COLEC10: variants seen among roughly 807,000 people sequenced by gnomAD.
The protein encoded by COLEC10 is collectin subfamily member 10, also known as collectin-10.
COLEC10 carries 22 observed loss-of-function variants against 28.4 expected under a neutral mutation model. The ratio of observed to expected loss-of-function variants is 0.78; its 90% CI spans 0.55 to 1.11. The LOEUF is 1.11. Ranked by LOEUF, COLEC10 falls within the 50% of genes least tolerant of loss-of-function variation. The pLI, the probability that COLEC10 is intolerant of heterozygous loss-of-function variation, is 0.00. For synonymous variants in COLEC10, 125 were observed against 116.1 expected, an observed-to-expected ratio of 1.08 and a Z score of -0.49; for missense variants, 361 against 344.1, an observed-to-expected ratio of 1.05 and a Z score of -0.39.
intron 2 of COLEC10, among the ~76,000 whole-genome samples, chr8:119,053,686 T>TGG (rs60423523): frequency 0.085 from 12,799 of 149,866 alleles, 666 homozygotes; most frequent in South Asian, 0.13. Flanking sequence ...AAAAAAAAGG[T>TGG]GGGGGGGGCT....
At chr8:119,052,821 A>C (rs188837782) in intron 2 of COLEC10, among the ~76,000 whole-genome samples, 15 of 152,280 alleles carry the variant, frequency 9.9e-5, no homozygotes, top group East Asian at 7.7e-4. Context: ...TTATTAACAA[A>C]TTTAGTTGAA....
chr8:119,102,926 C>A (rs1815867554), intron 4 of COLEC10, among the ~76,000 whole-genome samples: 1 of 152,084 alleles, frequency 6.6e-6, no homozygotes, highest in South Asian at 2.1e-4. Flanking sequence ...TGTTTCTATC[C>A]ACAGAGGTAT....
chr8:119,073,420 T>C (rs1260376311), intron 1 of COLEC10, among the ~76,000 whole-genome samples: 3 of 152,244 alleles, frequency 2.0e-5, no homozygotes, highest in African/African-American at 7.2e-5. Flanking sequence ...CTGATTCTTT[T>C]CTGGTAACTA....
At chr8:119,088,975 T>G (rs868214083) in intron 1 of COLEC10, among the ~76,000 whole-genome samples, 1 of 152,098 alleles carries the variant, frequency 6.6e-6, no homozygotes, top group African/African-American at 2.4e-5. Context: ...TTTCTCCAGA[T>G]AGTGAGTGGT....
At chr8:119,067,531 C>T in intron 1 of COLEC10, 102 bp downstream of exon 1, 1 of 1,081,712 alleles carries the variant, frequency 9.2e-7, no homozygotes, top group East Asian at 2.6e-5. Context: ...TCTCTCCTCC[C>T]TAGTTTCCTC....
At chr8:119,072,297 C>A (rs906433494) in intron 1 of COLEC10, among the ~76,000 whole-genome samples, 7 of 152,204 alleles carry the variant, frequency 4.6e-5, no homozygotes, top group Non-Finnish European at 8.8e-5. Context: ...CATTGAGTAG[C>A]TGAGCACACA....
upstream of COLEC10, among the ~76,000 whole-genome samples, chr8:118,994,783 C>T (rs1399822662): frequency 2.6e-5 from 4 of 152,062 alleles, no homozygotes; most frequent in Non-Finnish European, 4.4e-5. Flanking sequence ...ACAGTAACAT[C>T]GGGGATGAAA....
chr8:119,052,193 A>C (rs1814686637), intron 2 of COLEC10, among the ~76,000 whole-genome samples: 1 of 152,174 alleles, frequency 6.6e-6, no homozygotes, highest in Admixed American at 6.5e-5. Context: ...ATTGTAAAGC[A>C]TTTTAGCCAA....
At chr8:119,003,813 G>A (rs915791108) in intron 1 of COLEC10, among the ~76,000 whole-genome samples, 1 of 151,976 alleles carries the variant, frequency 6.6e-6, no homozygotes, top group African/African-American at 2.4e-5. Flanking sequence ...TACTACACAT[G>A]GAAAAGTATA....
the COLEC10 span, among the ~76,000 whole-genome samples, chr8:118,967,185 C>T: frequency 2.0e-4 from 31 of 151,972 alleles, no homozygotes; most frequent in African/African-American, 6.3e-4. Flanking sequence ...ATTAAAATCT[C>T]TAGGGTAGGG....
chr8:119,022,926 G>A (rs1389223091), intron 2 of COLEC10, among the ~76,000 whole-genome samples: 4 of 151,978 alleles, frequency 2.6e-5, no homozygotes, highest in African/African-American at 7.3e-5. Context: ...GTCTTTCTGT[G>A]GCTCAGTCTG....
chr8:119,091,595 G>GAGAGAGAGAGAAAGAAAGAA (rs1250359009), intron 3 of COLEC10, among the ~76,000 whole-genome samples: 98 of 138,542 alleles, frequency 7.1e-4, no homozygotes, highest in African/African-American at 2.6e-3. Flanking sequence ...GAGAGAGAGA[G>GAGAGAGAGAGAAAGAAAGAA]AGAAAGAAAG....
chr8:118,989,534 TACACACACAC>T, the COLEC10 span, among the ~76,000 whole-genome samples: 30 of 128,726 alleles, frequency 2.3e-4, no homozygotes, highest in South Asian at 7.6e-4. Flanking sequence ...ACAGACAAAA[TACACACACAC>T]ACACACACAC....
upstream of COLEC10, among the ~76,000 whole-genome samples, chr8:119,066,445 T>G (rs1402040764): frequency 6.6e-6 from 1 of 152,206 alleles, no homozygotes; most frequent in Non-Finnish European, 1.5e-5. Flanking sequence ...TTTTCCCCCT[T>G]ATTTTGTAAA....
At chr8:119,036,244 T>C (rs886327553) in intron 2 of COLEC10, among the ~76,000 whole-genome samples, 5 of 152,220 alleles carry the variant, frequency 3.3e-5, no homozygotes, top group African/African-American at 9.6e-5. Flanking sequence ...CTTAATTATA[T>C]GTATATTATT....
chr8:118,972,843 C>T, the COLEC10 span, among the ~76,000 whole-genome samples: 1 of 152,018 alleles, frequency 6.6e-6, no homozygotes, highest in African/African-American at 2.4e-5. Context: ...GCTTAATTGA[C>T]TCACAGTTCA....
At chr8:119,069,391 T>C (rs537637279) in intron 1 of COLEC10, among the ~76,000 whole-genome samples, 1 of 151,638 alleles carries the variant, frequency 6.6e-6, no homozygotes, top group Non-Finnish European at 1.5e-5. Flanking sequence ...GTCCAAGAGT[T>C]TGAGACCAGC....
At position 119,070,446 on chromosome 8, in the gene COLEC10, G is replaced by GCTCTCTCTCT. The variant is rs760543405; in HGVS notation, c.148+3039_148+3048dup. Among the ~76,000 whole-genome samples the GCTCTCTCTCT allele has an allele frequency of 3.6e-3, 289 of 80,594 alleles. 25 individuals carry two copies. The highest frequency in any genetic ancestry group is 0.013 in the African/African-American group (216 of 16,662). 52.9% of individuals were successfully genotyped at this position (80,594 alleles called of 152,430 possible). Reference sequence around the variant, plus strand: ...ACAGGAAAATGAAATGTTCTCCCTCGCTCTCTCTCTCTCTCTCTCTCTCTC... The same window carrying GCTCTCTCTCT: ...ACAGGAAAATGAAATGTTCTCCCTCGCTCTCTCTCTCTCTCTCTCTCTCTCTCTCTCTCTC... On this transcript the variant is annotated intron_variant, in intron 1 of 5. Transcript: ENST00000332843.
chr8:119,002,158 T>G (rs1357522041), intron 1 of COLEC10, among the ~76,000 whole-genome samples: 1 of 152,180 alleles, frequency 6.6e-6, no homozygotes. Context: ...TATGTGTGTA[T>G]ATAATTTTTA....
Sources: gnomAD v4.1 joint callset for allele counts (sites outside exome capture counted in the v4.1 genomes callset) on GRCh38, gnomAD v4.1.1 for gene constraint, MANE v1.5 for transcripts, NCBI Gene and HGNC (gene_info 2026-07-23, HGNC 2026-07-21) for gene names.